HORMAD2: variants seen among roughly 807,000 people sequenced by gnomAD.
HORMAD2 encodes the protein HORMA domain containing 2.
A neutral mutation model predicts 38.8 loss-of-function variants in HORMAD2; 45 were observed. That is an observed-to-expected ratio of 1.16 (90% CI 0.91 to 1.49). HORMAD2 has a LOEUF of 1.49. Ranked by LOEUF, HORMAD2 falls within the 40% of genes most tolerant of loss-of-function variation. HORMAD2 has a pLI of 0.00. For synonymous variants in HORMAD2, 126 were observed against 122.8 expected (o/e 1.03, Z -0.17); for missense variants, 338 against 367.0 (o/e 0.92, Z 0.65).
chr22:30,088,700 T>G (rs2068629388), intron 1 of HORMAD2, among the ~76,000 whole-genome samples: 1 of 151,380 alleles, frequency 6.6e-6, no homozygotes, highest in African/African-American at 2.4e-5. Context: ...ATTTAAAAAT[T>G]AAAAAGTAAG....
chr22:30,166,969 A>G (rs938523950), intron 10 of HORMAD2, among the ~76,000 whole-genome samples: 1 of 152,220 alleles, frequency 6.6e-6, no homozygotes, highest in African/African-American at 2.4e-5. Context: ...AACAAATTAC[A>G]AGTTTGGTGG....
At chr22:30,200,731 G>GTATTATTAT in the HORMAD2 span, among the ~76,000 whole-genome samples, 12,647 of 141,410 alleles carry the variant, frequency 0.089, 653 homozygotes, top group South Asian at 0.14. Flanking sequence ...CAACAGAAAT[G>GTATTATTAT]TATTATTATT....
chr22:30,203,255 A>T, the HORMAD2 span, among the ~76,000 whole-genome samples: 218 of 152,004 alleles, frequency 1.4e-3, no homozygotes, highest in Non-Finnish European at 2.3e-3. Flanking sequence ...ATTAGCTGGG[A>T]GTGGCGGCGC....
At chr22:30,120,490 G>T (rs1922351576) in intron 8 of HORMAD2, among the ~76,000 whole-genome samples, 1 of 152,170 alleles carries the variant, frequency 6.6e-6, no homozygotes, top group South Asian at 2.1e-4. Context: ...CTAACTATGT[G>T]CACAGCCATG....
At chr22:30,147,328 A>C (rs1454062707) in intron 10 of HORMAD2, among the ~76,000 whole-genome samples, 1 of 152,166 alleles carries the variant, frequency 6.6e-6, no homozygotes, top group Non-Finnish European at 1.5e-5. Flanking sequence ...ACCCACACGT[A>C]TGTAGTCAAT....
At chr22:30,080,937 T>A (rs2068459751) in intron 1 of HORMAD2, 1 of 152,280 alleles carries the variant, frequency 6.6e-6, no homozygotes, top group Non-Finnish European at 1.5e-5. Flanking sequence ...CCAGGATCGA[T>A]GCCTGGTACA....
downstream of HORMAD2, among the ~76,000 whole-genome samples, chr22:30,179,240 A>C (rs1448081030): frequency 6.6e-6 from 1 of 152,232 alleles, no homozygotes; most frequent in African/African-American, 2.4e-5. Context: ...AAATAATAAA[A>C]TGAAACTGAA....
At chr22:30,102,159 C>G (rs1952267361) in intron 3 of HORMAD2, among the ~76,000 whole-genome samples, 1 of 152,146 alleles carries the variant, frequency 6.6e-6, no homozygotes, top group Non-Finnish European at 1.5e-5. Flanking sequence ...ATCATGACAA[C>G]CTCATTTGTA....
chr22:30,108,808 T>C (rs1270927674), intron 5 of HORMAD2, among the ~76,000 whole-genome samples: 5 of 152,134 alleles, frequency 3.3e-5, no homozygotes, highest in Non-Finnish European at 7.4e-5. Flanking sequence ...AATGTATGAG[T>C]TTATATGCAG....
intron 10 of HORMAD2, among the ~76,000 whole-genome samples, chr22:30,125,909 A>T (rs1465603903): frequency 6.6e-6 from 1 of 152,160 alleles, no homozygotes. Context: ...TTTAAGGAAG[A>T]TCTCAGGTGC....
intron 5 of HORMAD2, among the ~76,000 whole-genome samples, chr22:30,106,183 G>C (rs556589900): frequency 4.5e-4 from 69 of 152,128 alleles, no homozygotes; most frequent in Middle Eastern, 3.4e-3. Context: ...GCTAATTTTT[G>C]TATTTTTAGT....
chr22:30,162,846 G>A (rs376355976), intron 10 of HORMAD2, among the ~76,000 whole-genome samples: 11 of 152,008 alleles, frequency 7.2e-5, no homozygotes, highest in South Asian at 2.1e-4. Flanking sequence ...GGGATTACAG[G>A]CACCCACCAT....
the HORMAD2 span, among the ~76,000 whole-genome samples, chr22:30,196,617 C>T: frequency 6.6e-6 from 1 of 152,110 alleles, no homozygotes; most frequent in East Asian, 1.9e-4. Context: ...AACAGAGGGG[C>T]CAGGTCTGGG....
intron 10 of HORMAD2, among the ~76,000 whole-genome samples, chr22:30,124,836 G>T (rs976086757): frequency 6.6e-6 from 1 of 152,052 alleles, no homozygotes; most frequent in Non-Finnish European, 1.5e-5. Context: ...ACTATATTAG[G>T]TAAAGCAAAA....
downstream of HORMAD2, among the ~76,000 whole-genome samples, chr22:30,179,781 G>A (rs151026207): frequency 2.6e-5 from 4 of 152,270 alleles, no homozygotes; most frequent in East Asian, 3.9e-4. Context: ...ATTGGCCAGC[G>A]TTTCTGGTAA....
chr22:30,204,546 A>C, the HORMAD2 span, among the ~76,000 whole-genome samples: 1 of 152,070 alleles, frequency 6.6e-6, no homozygotes, highest in Admixed American at 6.5e-5. Context: ...AACTAATGAA[A>C]TCCAAATGTG....
chr22:30,193,723 G>A, the HORMAD2 span, among the ~76,000 whole-genome samples: 1 of 152,216 alleles, frequency 6.6e-6, no homozygotes, highest in Admixed American at 6.5e-5. Flanking sequence ...CCATTCTCCT[G>A]TCCTTCCATA....
chr22:30,201,832 T>C, the HORMAD2 span, among the ~76,000 whole-genome samples: 6 of 152,114 alleles, frequency 3.9e-5, no homozygotes, highest in African/African-American at 1.2e-4. Context: ...TATTTCAAGA[T>C]GTACATTGAA....
the HORMAD2 span, among the ~76,000 whole-genome samples, chr22:30,183,385 C>T: frequency 6.6e-6 from 1 of 152,188 alleles, no homozygotes; most frequent in Non-Finnish European, 1.5e-5. Flanking sequence ...GGCACCAACT[C>T]CTCTGCTTTG....
Sources: allele counts gnomAD v4.1 joint callset (sites outside exome capture counted in the v4.1 genomes callset), GRCh38; gene constraint gnomAD v4.1.1; transcripts MANE v1.5; gene names NCBI Gene and HGNC (gene_info 2026-07-23, HGNC 2026-07-21).